Variants in INTS7 observed in about 807,000 individuals in gnomAD.
The protein encoded by INTS7 is chromosome 1 open reading frame 73.
A neutral mutation model predicts 109.2 loss-of-function variants in INTS7; 46 were observed. The ratio of observed to expected loss-of-function variants is 0.42; its 90% CI spans 0.33 to 0.54. The LOEUF is 0.54. INTS7 is among the 20% of genes least tolerant of loss of function. INTS7 has a pLI of 0.07. For missense variants in INTS7, 929 were observed against 1,132.4 expected (o/e 0.82, Z 2.58); for synonymous variants, 412 against 402.9 (o/e 1.02, Z -0.27).
chr1:211,979,335 A>G (rs35649051), intron 10 of INTS7, among the ~76,000 whole-genome samples: 3,764 of 152,268 alleles, frequency 0.025, 68 homozygotes, highest in Non-Finnish European at 0.036. Flanking sequence ...ACATAACTTT[A>G]GAGTCTGATA....
chr1:212,000,044 G>T (rs1032977992), intron 7 of INTS7, among the ~76,000 whole-genome samples: 1 of 152,062 alleles, frequency 6.6e-6, no homozygotes, highest in Non-Finnish European at 1.5e-5. Flanking sequence ...GGCAGAGGTT[G>T]CAGTGAGCCG....
chr1:211,984,355 A>G (rs545293347), intron 8 of INTS7, among the ~76,000 whole-genome samples: 3 of 151,970 alleles, frequency 2.0e-5, no homozygotes, highest in South Asian at 4.2e-4. Flanking sequence ...GAAAACTCAG[A>G]AAAAAAACCC....
intron 16 of INTS7, among the ~76,000 whole-genome samples, chr1:211,960,954 G>T (rs920487476): frequency 1.3e-5 from 2 of 151,974 alleles, no homozygotes; most frequent in African/African-American, 4.8e-5. Flanking sequence ...GGCAGAGGTG[G>T]CAGTGAACTG....
Position 211,987,788 on chromosome 1 carries a change from C to T in INTS7, c.997+98G>A, listed in dbSNP as rs528755189. The stretch of plus-strand genomic sequence containing the variant: ...TGCAATGGAGTATGAGATTTTTTTC[C>T]CTGATGTTAAAGCTTTATAGAAGAA... On this transcript the variant is annotated intron_variant, in intron 8 of 19. Coordinates refer to ENST00000366994, the MANE Select transcript of INTS7 (RefSeq NM_015434.4). The T allele has an allele frequency of 2.3e-4, 137 of 596,648 alleles. 2 individuals carry two copies. The South Asian group carries it at 4.1e-3, about 18-fold the overall frequency. 37.0% of individuals were successfully genotyped at this position (596,648 alleles called of 1,614,324 possible).
chr1:211,954,479 T>C (rs866876419), intron 16 of INTS7, among the ~76,000 whole-genome samples: 161 of 152,322 alleles, frequency 1.1e-3, no homozygotes, highest in African/African-American at 3.8e-3. Context: ...CCCATGCCTA[T>C]GTCCTGAATG....
intron 17 of INTS7, among the ~76,000 whole-genome samples, chr1:211,949,200 CCTT>C (rs899464767): frequency 9.9e-5 from 15 of 152,246 alleles, no homozygotes; most frequent in Non-Finnish European, 1.6e-4. Context: ...CTGATGCTCT[CCTT>C]GTTGTCTTCT....
intron 7 of INTS7, among the ~76,000 whole-genome samples, chr1:212,001,995 G>T (rs1228386488): frequency 1.3e-5 from 2 of 152,074 alleles, no homozygotes; most frequent in African/African-American, 4.8e-5. Flanking sequence ...CTAAACTCCA[G>T]GCATATGTCC....
chr1:211,982,667 C>A lies in INTS7; in HGVS notation c.1132+9G>T. The A allele has an allele frequency of 6.3e-7, 1 of 1,595,482 alleles. No homozygotes were observed. Among genetic ancestry groups the A allele is most frequent in the South Asian group, 1.1e-5 (1 of 87,218 alleles). The stretch of plus-strand genomic sequence containing the variant: ...GTTTATACGTAATATCAGTCCTGAT[C>A]AAACTTACCCTTTTCTTGACAAGAA... On this transcript the variant is annotated intron_variant, in intron 9 of 19. Transcript: ENST00000366994.
At chr1:211,973,554 A>G (rs2102416753) in intron 13 of INTS7, among the ~76,000 whole-genome samples, 1 of 152,336 alleles carries the variant, frequency 6.6e-6, no homozygotes, top group Non-Finnish European at 1.5e-5. Context: ...TCACATCAGT[A>G]AGTTAAAAGG....
intron 17 of INTS7, among the ~76,000 whole-genome samples, chr1:211,951,429 G>GT (rs1663083559): frequency 9.9e-5 from 15 of 151,894 alleles, no homozygotes; most frequent in Admixed American, 7.9e-4. Context: ...TGCCTCAGCC[G>GT]CCTGAGTAGC....
Position 211,941,645 on chromosome 1 carries a change from C to T in INTS7, c.*179G>A, listed in dbSNP as rs930209104. ...CTGGGATTACAGGCGTGAGCAACCA[C>T]GCCCAGCTGTCAGACAAAATTTTTA... On this transcript the variant is annotated 3_prime_UTR_variant, in exon 20 of 20. Transcript: ENST00000366994. The T allele has an allele frequency of 3.5e-5, 30 of 845,742 alleles. No homozygotes were observed. Among genetic ancestry groups the T allele is most frequent in the African/African-American group, 2.6e-4 (15 of 58,172 alleles). The allele number at this position is 845,742 out of a possible 1,614,324, so 52.4% of individuals were successfully genotyped here. A position where few individuals can be genotyped will look rare whatever the true frequency, so the allele number is the denominator to read the frequency against.
chr1:211,981,076 T>C lies in INTS7; in HGVS notation c.1230+17A>G. 2 of 1,516,034 alleles carry C rather than the reference T, an allele frequency of 1.3e-6. No homozygotes were observed. The highest frequency in any genetic ancestry group is 1.7e-5 in the Admixed American group (1 of 58,902). 93.9% of individuals were successfully genotyped at this position (1,516,034 alleles called of 1,614,324 possible). ...ATCATATATATCTATTACAACTTAA[T>C]AAATAAAAGTTTTCACCTTTAAAGT... is the stretch of plus-strand genomic sequence containing the variant. On this transcript the variant is annotated intron_variant, in intron 10 of 19. Coordinates refer to ENST00000366994, the MANE Select transcript of INTS7 (RefSeq NM_015434.4).
intron 1 of INTS7, among the ~76,000 whole-genome samples, chr1:212,034,733 G>A (rs759438640): frequency 6.6e-6 from 1 of 152,200 alleles, no homozygotes; most frequent in African/African-American, 2.4e-5. Flanking sequence ...GAGGCTAGAT[G>A]AAGTTAATCA....
At position 211,968,760 on chromosome 1, in the gene INTS7, G is replaced by A. The variant is rs1664025502; in HGVS notation, c.1816-53C>T. On this transcript the variant is annotated intron_variant, in intron 13 of 19. Transcript: ENST00000366994. ...TAAGACAAAGTAAACAGAACAGTGA[G>A]ATGGGGCAGTACCAAGTATTTATCA... 6.3e-6 allele frequency: 9 copies of A among 1,417,338 alleles called. No individual in the cohort carries two copies. In the South Asian group the frequency reaches 1.2e-4, roughly 19 times the overall value. 87.8% of individuals were successfully genotyped at this position (1,417,338 alleles called of 1,614,324 possible). A position where few individuals can be genotyped will look rare whatever the true frequency, so the allele number is the denominator to read the frequency against.
At chr1:211,965,243 T>C (rs541748615) in intron 16 of INTS7, among the ~76,000 whole-genome samples, 18 of 148,860 alleles carry the variant, frequency 1.2e-4, no homozygotes, top group African/African-American at 4.2e-4. Flanking sequence ...AAAACCACAA[T>C]GAGATACCAT....
chr1:211,995,203 G>C (rs1231263908), intron 7 of INTS7, among the ~76,000 whole-genome samples: 1 of 151,966 alleles, frequency 6.6e-6, no homozygotes, highest in Non-Finnish European at 1.5e-5. Context: ...AAGAAAACTT[G>C]ATCAAAATAG....
In INTS7 at chr1:212,021,129, G is replaced by C; in HGVS notation, c.178C>G (p.Leu60Val). 1 of 1,611,766 alleles carries C rather than the reference G, an allele frequency of 6.2e-7. No individual in the cohort carries two copies. Among genetic ancestry groups the C allele is most frequent in the Non-Finnish European group, 8.5e-7 (1 of 1,178,476 alleles). Residue 60 changes from leucine to valine, a missense_variant, in exon 2 of 20, where the codon CTT becomes GTT. Leu to Val is a conservative substitution (Grantham distance 32). Around this residue, in one of 2 missense-constraint regions of INTS7, gnomAD observed 142 missense variants for 231.4 expected, o/e 0.61. Transcript: ENST00000366994. ...RLFQKYPFPI[L>V]INSAFLKLAD... ...AACTTTAGGAATGCAGAATTGATAA[G>C]AATAGGGAATGGATACTTCTGAAAA...
At chr1:211,966,390 A>T in intron 16 of INTS7, 40 bp downstream of exon 16, 1 of 1,102,544 alleles carries the variant, frequency 9.1e-7, no homozygotes. Flanking sequence ...ATGTATAGAA[A>T]GTGTTCTGTA....
At chr1:211,965,312 G>A (rs186290537) in intron 16 of INTS7, among the ~76,000 whole-genome samples, 4 of 152,294 alleles carry the variant, frequency 2.6e-5, no homozygotes, top group Admixed American at 1.3e-4. Context: ...AGTTGGTGAG[G>A]TTGCAGAGAA....
Sources: allele counts gnomAD v4.1 joint callset (sites outside exome capture counted in the v4.1 genomes callset), GRCh38; gene constraint gnomAD v4.1.1; regional missense constraint gnomAD v4.1.1; transcripts MANE v1.5; gene names NCBI Gene and HGNC (gene_info 2026-07-23, HGNC 2026-07-21).